PRICKLE1: variants seen among roughly 807,000 people sequenced by gnomAD.
PRICKLE1 encodes prickle-like protein 1.
Under a neutral mutation model 70.2 loss-of-function variants are expected in PRICKLE1, and 14 were observed. The observed-to-expected ratio is 0.20, with a 90% confidence interval of 0.13 to 0.31. The LOEUF is 0.31. PRICKLE1 is among the 10% of genes least tolerant of loss of function. The probability of loss-of-function intolerance (pLI) is 1.00; values close to 1 mark genes in which losing one functional copy is unlikely to be tolerated. For synonymous variants in PRICKLE1, 357 were observed against 379.9 expected (o/e 0.94, Z 0.70); for missense variants, 821 against 1,026.2 (o/e 0.80, Z 2.73).
chr12:42,524,719 T>C (rs1372800653), intron 1 of PRICKLE1: 1 of 152,206 alleles, frequency 6.6e-6, no homozygotes, highest in African/African-American at 2.4e-5. Context: ...AAATCACTGT[T>C]TAAATATTTA....
At chr12:42,506,487 C>T (rs1440136454) in intron 1 of PRICKLE1, among the ~76,000 whole-genome samples, 1 of 151,088 alleles carries the variant, frequency 6.6e-6, no homozygotes, top group Non-Finnish European at 1.5e-5. Flanking sequence ...GAACTCCTGA[C>T]CCCAGGTGAC....
chr12:42,472,552 C>T lies in PRICKLE1; in HGVS notation c.-36G>A. 6.2e-7 allele frequency: 1 copy of T among 1,613,752 alleles called. No individual in the cohort carries two copies. Among genetic ancestry groups the T allele is most frequent in the Non-Finnish European group, 8.5e-7 (1 of 1,179,738 alleles). ...GCCTGGTTTCTCAGTCACAGGACAT[C>T]AAACAATGGCTGCTGTGAACAATAT... On this transcript the variant is annotated 5_prime_UTR_variant, in exon 2 of 8. Transcript: ENST00000345127.
Position 42,464,513 on chromosome 12 carries a change from T to C in PRICKLE1, c.1521A>G (p.Ser507=). ...LQELELDHGA[S]GYNHDETQWY... is the part of the protein sequence containing the mutation. ...ACTGTGTTTCATCATGATTATACCC[T>C]GAAGCCCCATGGTCCAGTTCCAATT... Residue 507 remains serine, a synonymous_variant, in exon 7 of 8, where the codon TCA becomes TCG. Transcript: ENST00000345127. This position sits in a 1 kb window ranked among gnomAD's most constrained non-coding sequence, Gnocchi z 4.2. 1 of 1,614,018 alleles carries C rather than the reference T, an allele frequency of 6.2e-7. No individual in the cohort carries two copies. Among genetic ancestry groups the C allele is most frequent in the Non-Finnish European group, 8.5e-7 (1 of 1,180,016 alleles).
intron 1 of PRICKLE1, among the ~76,000 whole-genome samples, chr12:42,506,112 T>A (rs2708038): frequency 0.17 from 26,295 of 152,056 alleles, 3,003 homozygotes; most frequent in African/African-American, 0.31. Flanking sequence ...AGCACCCATG[T>A]TGCTGAGTGA....
intron 1 of PRICKLE1, among the ~76,000 whole-genome samples, chr12:42,530,125 G>T (rs1454106068): frequency 6.6e-6 from 1 of 151,876 alleles, no homozygotes; most frequent in Non-Finnish European, 1.5e-5. Flanking sequence ...TGTATTTTTA[G>T]TACAGACGGG....
intron 1 of PRICKLE1, among the ~76,000 whole-genome samples, chr12:42,511,931 G>A (rs1939519996): frequency 6.6e-6 from 1 of 152,168 alleles, no homozygotes; most frequent in Non-Finnish European, 1.5e-5. Flanking sequence ...TTTGCAAAGA[G>A]CTTGGCTTTG....
Position 42,472,528 on chromosome 12 carries a change from C to T in PRICKLE1, c.-12G>A, listed in dbSNP as rs373933563. 2.5e-6 allele frequency: 4 copies of T among 1,613,994 alleles called. No homozygotes were observed. Among genetic ancestry groups the T allele is most frequent in the Admixed American group, 3.3e-5 (2 of 60,008 alleles). On this transcript the variant is annotated 5_prime_UTR_variant, in exon 2 of 8. Coordinates refer to ENST00000345127, the MANE Select transcript of PRICKLE1 (RefSeq NM_153026.3). ...ATCTCCAAAGGCATAAAGTTTAAAGCCTGGTTTCTCAGTCACAGGACATCA... is the reference window on the plus strand; with the variant it reads ...ATCTCCAAAGGCATAAAGTTTAAAGTCTGGTTTCTCAGTCACAGGACATCA...
chr12:42,495,304 T>G (rs771811861), intron 1 of PRICKLE1, among the ~76,000 whole-genome samples: 1 of 149,928 alleles, frequency 6.7e-6, no homozygotes. Context: ...GAGGATCACT[T>G]GAGCCTGGGA....
rs757265471 is a variant in PRICKLE1 at position 42,535,482 on chromosome 12, T to C, written c.-49+53983A>G. On this transcript the variant is annotated intron_variant, in intron 1 of 7. Coordinates refer to ENST00000345127, the MANE Select transcript of PRICKLE1 (RefSeq NM_153026.3). ...TGATATGAGGGTCAACAAAGGCCAG[T>C]GTTAGCCAAAATAGCAGAAAGGTGG... 2.0e-5 allele frequency among the ~76,000 whole-genome samples: 3 copies of C among 152,124 alleles called. No homozygotes were observed. In the South Asian group the frequency reaches 6.2e-4, roughly 32 times the overall value.
At chr12:42,583,417 C>T (rs1940936176) in intron 1 of PRICKLE1, among the ~76,000 whole-genome samples, 1 of 152,156 alleles carries the variant, frequency 6.6e-6, no homozygotes, top group African/African-American at 2.4e-5. Context: ...AAGACAATTT[C>T]CAAGGATAAA....
intron 1 of PRICKLE1, among the ~76,000 whole-genome samples, chr12:42,475,798 A>G (rs1938499477): frequency 6.6e-6 from 1 of 151,916 alleles, no homozygotes; most frequent in African/African-American, 2.4e-5. Context: ...AAACACAAAC[A>G]TTAAAAAAAT....
At chr12:42,562,444 A>T (rs1439318009) in intron 1 of PRICKLE1, among the ~76,000 whole-genome samples, 1 of 152,218 alleles carries the variant, frequency 6.6e-6, no homozygotes, top group Non-Finnish European at 1.5e-5. Flanking sequence ...TTAGAACTAA[A>T]GGAAGGTAAG....
intron 1 of PRICKLE1, among the ~76,000 whole-genome samples, chr12:42,577,297 C>T (rs1157385780): frequency 6.6e-6 from 1 of 151,822 alleles, no homozygotes; most frequent in East Asian, 1.9e-4. Flanking sequence ...AATATCACTG[C>T]ATTTTTTTTT....
intron 1 of PRICKLE1, among the ~76,000 whole-genome samples, chr12:42,487,286 T>G (rs539449034): frequency 3.7e-4 from 57 of 152,334 alleles, no homozygotes; most frequent in Admixed American, 7.2e-4. Context: ...TACCATTACC[T>G]GGGTCTGTGG....
At chr12:42,506,299 T>C (rs34364687) in intron 1 of PRICKLE1, among the ~76,000 whole-genome samples, 22,574 of 138,792 alleles carry the variant, frequency 0.16, 2,444 homozygotes, top group African/African-American at 0.29. Flanking sequence ...CTCTGTTGCC[T>C]AGGCTGCAGT....
intron 1 of PRICKLE1, among the ~76,000 whole-genome samples, chr12:42,562,609 G>A (rs1373751672): frequency 1.3e-5 from 2 of 152,080 alleles, no homozygotes; most frequent in Non-Finnish European, 2.9e-5. Flanking sequence ...CTGAAGATGT[G>A]AAGATTCAAT....
At chr12:42,559,276 G>T (rs1373328165) in intron 1 of PRICKLE1, among the ~76,000 whole-genome samples, 1 of 152,116 alleles carries the variant, frequency 6.6e-6, no homozygotes, top group African/African-American at 2.4e-5. Flanking sequence ...GAGCTATTTT[G>T]ATGTCAAGAT....
intron 1 of PRICKLE1, among the ~76,000 whole-genome samples, chr12:42,476,290 C>A (rs1938528039): frequency 6.6e-6 from 1 of 151,664 alleles, no homozygotes; most frequent in Non-Finnish European, 1.5e-5. Context: ...TCAAGAGATT[C>A]TCCTGCCTCA....
intron 1 of PRICKLE1, among the ~76,000 whole-genome samples, chr12:42,551,066 T>C (rs1200389278): frequency 6.6e-6 from 1 of 152,252 alleles, no homozygotes; most frequent in African/African-American, 2.4e-5. Context: ...GGAAGCCTGC[T>C]AGACTATGTA....
Sources: allele counts gnomAD v4.1 joint callset (sites outside exome capture counted in the v4.1 genomes callset), GRCh38; gene constraint gnomAD v4.1.1; non-coding constraint Gnocchi (gnomAD v3.1); transcripts MANE v1.5; gene names NCBI Gene and HGNC (gene_info 2026-07-23, HGNC 2026-07-21).